Variants in CENPI observed in about 807,000 individuals in gnomAD.
The protein encoded by CENPI is centromere protein I.
A neutral mutation model predicts 60.4 loss-of-function variants in CENPI; 4 were observed. The observed-to-expected ratio is 0.07, with a 90% CI of 0.03 to 0.15. CENPI has a LOEUF of 0.15. CENPI is among the 10% of genes least tolerant of loss of function. CENPI has a pLI of 1.00. For missense variants in CENPI, 444 were observed against 534.5 expected, an observed-to-expected ratio of 0.83 and a Z score of 1.67; for synonymous variants, 157 against 189.4, an observed-to-expected ratio of 0.83 and a Z score of 1.40.
At chrX:101,103,781 G>A (rs1490087436) in intron 4 of CENPI, among the ~76,000 whole-genome samples, 2 of 111,806 alleles carry the variant, frequency 1.8e-5, no homozygotes, top group Non-Finnish European at 3.8e-5. Flanking sequence ...GTTTCTGTGT[G>A]CATATGCCAA....
intron 16 of CENPI, among the ~76,000 whole-genome samples, chrX:101,142,810 T>C (rs2089926036): frequency 3.6e-5 from 4 of 111,524 alleles, no homozygotes; most frequent in Admixed American, 9.6e-5. Context: ...GATACAGTTA[T>C]GCCTGTAATC....
the CENPI span, among the ~76,000 whole-genome samples, chrX:101,176,730 C>T: frequency 3.7e-4 from 42 of 112,930 alleles, 1 homozygote; most frequent in South Asian, 0.015. Flanking sequence ...GATGCCTCTA[C>T]TCTGTTGGTT....
intron 4 of CENPI, among the ~76,000 whole-genome samples, chrX:101,103,448 TCTCCTGCCTCAGC>T (rs2089446471): frequency 4.5e-5 from 5 of 111,153 alleles, no homozygotes; most frequent in South Asian, 3.8e-4. Context: ...TTCAAGCGAT[TCTCCTGCCTCAGC>T]CTCCTGAGTA....
chrX:101,135,803 C>G (rs2089841383), intron 15 of CENPI, among the ~76,000 whole-genome samples: 1 of 111,830 alleles, frequency 8.9e-6, no homozygotes, highest in African/African-American at 3.3e-5. Flanking sequence ...TTACTGCAAC[C>G]TCCGCCTAGC....
At chrX:101,162,720 T>G in intron 21 of CENPI, 113 bp from the exon 22 acceptor site, 1 of 824,329 alleles carries the variant, frequency 1.2e-6, no homozygotes, top group Non-Finnish European at 1.8e-6. Flanking sequence ...CCCGAACTAA[T>G]TTTGATATGT....
chrX:101,121,078 T>C (rs994706989), intron 8 of CENPI, among the ~76,000 whole-genome samples: 1 of 110,258 alleles, frequency 9.1e-6, no homozygotes, highest in Non-Finnish European at 1.9e-5. Flanking sequence ...GGTTTCACCA[T>C]GTTGGCCAGG....
the CENPI span, among the ~76,000 whole-genome samples, chrX:101,175,746 G>T: frequency 9.0e-6 from 1 of 111,678 alleles, no homozygotes; most frequent in East Asian, 2.8e-4. Context: ...GATCAAGTCA[G>T]GGTACTTGGG....
At chrX:101,179,757 T>G in the CENPI span, among the ~76,000 whole-genome samples, 1 of 112,490 alleles carries the variant, frequency 8.9e-6, no homozygotes, top group African/African-American at 3.2e-5. Context: ...CCTGACCTGG[T>G]GATCTGCCCG....
At position 101,127,224 on chromosome X, in the gene CENPI, G is replaced by T; in HGVS notation, c.864G>T (p.Leu288=). The part of the protein sequence containing the change: ...QRNRGPSPEP[L]KLMLGPANVR... ...ACCGGGGACCTTCTCCAGAACCTCT[G>T]AAGTTGATGTTAGGTCCAGCTAATG... The change falls in exon 10 of 22, where the codon CTG becomes CTT. Residue 288 remains leucine, a synonymous_variant. Transcript: ENST00000682095. 1 of 1,197,244 alleles carries T rather than the reference G, an allele frequency of 8.4e-7. No individual in the cohort carries two copies. Among genetic ancestry groups the T allele is most frequent in the South Asian group, 1.9e-5 (1 of 53,141 alleles).
intron 15 of CENPI, among the ~76,000 whole-genome samples, chrX:101,136,803 C>T (rs777407452): frequency 1.8e-5 from 2 of 112,115 alleles, no homozygotes; most frequent in Admixed American, 9.5e-5. Flanking sequence ...AATCAGAATA[C>T]GTAATTAACA....
intron 16 of CENPI, 169 bp downstream of exon 16, chrX:101,140,929 G>C (rs2089910058): frequency 5.0e-6 from 2 of 400,485 alleles, no homozygotes; most frequent in African/African-American, 5.1e-5. Context: ...TGAAAGGAAG[G>C]CTAATTCTCT....
intron 20 of CENPI, among the ~76,000 whole-genome samples, chrX:101,153,089 C>G (rs1415760279): frequency 2.8e-5 from 3 of 109,070 alleles, no homozygotes; most frequent in Admixed American, 1.0e-4. Flanking sequence ...CCACCTCTTT[C>G]CTAACACTTT....
intron 15 of CENPI, among the ~76,000 whole-genome samples, chrX:101,133,671 G>A (rs1227153293): frequency 9.0e-6 from 1 of 111,069 alleles, no homozygotes; most frequent in Non-Finnish European, 1.9e-5. Context: ...ATTGCCAGAA[G>A]TATAAAAACA....
At chrX:101,160,341 A>G (rs186885832) in intron 20 of CENPI, among the ~76,000 whole-genome samples, 126 of 108,955 alleles carry the variant, frequency 1.2e-3, no homozygotes, top group Middle Eastern at 4.7e-3. Context: ...TTAGCTTTAC[A>G]TAATTGAGAC....
At position 101,163,007 on chromosome X, in the gene CENPI, ACTC is replaced by A; in HGVS notation, c.*44_*46del. ...AAACTGAACACACTGGACTAAACTCACTCCTCATTGCTAGAGCAAAGTGGCTCA... is the reference window on the plus strand; with the variant it reads ...AAACTGAACACACTGGACTAAACTCACTCATTGCTAGAGCAAAGTGGCTCA... On this transcript the variant is annotated 3_prime_UTR_variant, in exon 22 of 22. Coordinates refer to ENST00000682095, the MANE Select transcript of CENPI (RefSeq NM_001386188.2). The A allele has an allele frequency of 8.5e-7, 1 of 1,178,162 alleles. No homozygotes were observed.
chrX:101,110,010 T>C lies in CENPI; in HGVS notation c.591+12T>C, dbSNP rs1602770574. On this transcript the variant is annotated intron_variant, in intron 6 of 21. Transcript: ENST00000682095. ...AAGATGATGCACTGGTAAGTAAAAATTGGACAGCATTAGGCATCAATCAAA... is the reference window on the plus strand; with the variant it reads ...AAGATGATGCACTGGTAAGTAAAAACTGGACAGCATTAGGCATCAATCAAA... 3.8e-6 allele frequency: 4 copies of C among 1,045,477 alleles called. No individual in the cohort carries two copies. The Middle Eastern group carries it at 1.3e-3, about 336-fold the overall frequency. 86.2% of individuals were successfully genotyped at this position (1,045,477 alleles called of 1,213,427 possible).
intron 4 of CENPI, among the ~76,000 whole-genome samples, chrX:101,108,648 G>GT (rs372833421): frequency 0.41 from 40,686 of 98,778 alleles, 6,864 homozygotes; most frequent in Middle Eastern, 0.5. Context: ...TTGCCTTATA[G>GT]TTTTTTTTTT....
rs372413384 is a variant in CENPI at position 101,115,624 on chromosome X, A to G, written c.592-4778A>G. On this transcript the variant is annotated intron_variant, in intron 6 of 21. Coordinates refer to ENST00000682095, the MANE Select transcript of CENPI (RefSeq NM_001386188.2). ...AGCAATCCTCTTGCCTCGGCCTCCC[A>G]AAGTGCTGGAATTATAGATGTGAGG... is the stretch of plus-strand genomic sequence containing the variant. Among the ~76,000 whole-genome samples, 104 of 111,290 alleles carry G rather than the reference A, an allele frequency of 9.3e-4. 3 individuals are homozygous for G. The South Asian group carries it at 0.039, about 42-fold the overall frequency.
intron 20 of CENPI, among the ~76,000 whole-genome samples, chrX:101,155,575 T>C (rs775254301): frequency 2.7e-5 from 3 of 112,294 alleles, no homozygotes; most frequent in Non-Finnish European, 5.6e-5. Flanking sequence ...TTTTGTCCTC[T>C]ATTCTGCTGA....
Sources: gnomAD v4.1 joint callset for allele counts (sites outside exome capture counted in the v4.1 genomes callset) on GRCh38, gnomAD v4.1.1 for gene constraint, MANE v1.5 for transcripts, NCBI Gene and HGNC (gene_info 2026-07-23, HGNC 2026-07-21) for gene names.